Variants in EPG5 observed in about 807,000 individuals in gnomAD.
EPG5 encodes ectopic P granules protein 5 homolog.
In EPG5, 159 loss-of-function variants were observed where a neutral mutation model predicts 302.7. The ratio of observed to expected loss-of-function variants is 0.53; its 90% CI spans 0.46 to 0.60. EPG5 has a LOEUF of 0.60. EPG5 is among the 20% of genes least tolerant of loss of function. The pLI is 0.00. For missense variants in EPG5, 2,896 were observed against 3,092.4 expected (o/e 0.94, Z 1.51); for synonymous variants, 1,158 against 1,136.8 (o/e 1.02, Z -0.37).
At position 45,916,221 on chromosome 18, in the gene EPG5, C is replaced by CT; in HGVS notation, c.3385-16dup. ...GATATGTGTGCCTGTGGAGAAAAGG[C>CT]TCATGTGATGGGAAAGATAACAACC... On this transcript the variant is annotated splice_polypyrimidine_tract_variant and intron_variant, in intron 18 of 43. Transcript: ENST00000282041. The CT allele has an allele frequency of 6.3e-7, 1 of 1,596,710 alleles. No individual in the cohort carries two copies. Among genetic ancestry groups the CT allele is most frequent in the Non-Finnish European group, 8.5e-7 (1 of 1,173,606 alleles).
chr18:45,860,347 C>G lies in EPG5; in HGVS notation c.6767-1G>C. 6.2e-7 allele frequency: 1 copy of G among 1,614,188 alleles called. No individual in the cohort carries two copies. Among genetic ancestry groups the G allele is most frequent in the Non-Finnish European group, 8.5e-7 (1 of 1,180,026 alleles). On this transcript the variant is annotated splice_acceptor_variant, in intron 39 of 43. Coordinates refer to ENST00000282041, the MANE Select transcript of EPG5 (RefSeq NM_020964.3). LOFTEE classifies it high-confidence loss of function. ...ATGTGGCGGGTCTGGCTGTCCATGT[C>G]TGAAAGGAATATAGACACACTCAAG...
At position 45,916,396 on chromosome 18, in the gene EPG5, A is replaced by G. The variant is rs1159614964; in HGVS notation, c.3384+42T>C. 3 of 1,592,744 alleles carry G rather than the reference A, an allele frequency of 1.9e-6. No homozygotes were observed. The East Asian group carries it at 6.8e-5, about 36-fold the overall frequency. On this transcript the variant is annotated intron_variant, in intron 18 of 43. Coordinates refer to ENST00000282041, the MANE Select transcript of EPG5 (RefSeq NM_020964.3). ...GCTAACGCTAGAGGTCTTGGTTGGGAAGACAGGCGGGAGTGTGCTTAGGGG... is the reference window on the plus strand; with the variant it reads ...GCTAACGCTAGAGGTCTTGGTTGGGGAGACAGGCGGGAGTGTGCTTAGGGG...
At chr18:45,909,946 G>A (rs576631970) in intron 23 of EPG5, among the ~76,000 whole-genome samples, 7 of 152,274 alleles carry the variant, frequency 4.6e-5, no homozygotes, top group Admixed American at 4.6e-4. Context: ...ATTCCAGCCT[G>A]GGCAACATAG....
At chr18:45,954,364 G>C in intron 2 of EPG5, 30 bp downstream of exon 2, 5 of 1,550,588 alleles carry the variant, frequency 3.2e-6, no homozygotes, top group Non-Finnish European at 4.4e-6. Context: ...CAGCTCCGCT[G>C]CAAATTCCCC....
At chr18:45,943,649 C>A (rs1239330190) in intron 8 of EPG5, among the ~76,000 whole-genome samples, 1 of 152,102 alleles carries the variant, frequency 6.6e-6, no homozygotes, top group Non-Finnish European at 1.5e-5. Context: ...GGGCCAGGCA[C>A]GGTGGCTCAC....
intron 1 of EPG5, among the ~76,000 whole-genome samples, chr18:45,959,764 G>A (rs933540600): frequency 5.9e-5 from 9 of 152,064 alleles, no homozygotes; most frequent in Non-Finnish European, 1.3e-4. Context: ...TGGATCACCT[G>A]AGGTGAGGAG....
chr18:45,817,313 T>C, the EPG5 span, among the ~76,000 whole-genome samples: 3 of 152,150 alleles, frequency 2.0e-5, no homozygotes, highest in Non-Finnish European at 4.4e-5. Context: ...AATAAAAATG[T>C]CTCTCTTTCC....
In EPG5 at chr18:45,851,551, T is replaced by A. The variant is rs1041875944; in HGVS notation, c.*916A>T. The A allele has an allele frequency of 2.6e-5, 4 of 152,170 alleles. No homozygotes were observed. Among genetic ancestry groups the A allele is most frequent in the African/African-American group, 9.7e-5 (4 of 41,438 alleles). The allele number at this position is 152,170 out of a possible 1,614,324, so 9.4% of individuals were successfully genotyped here. On this transcript the variant is annotated 3_prime_UTR_variant, in exon 44 of 44. Coordinates refer to ENST00000282041, the MANE Select transcript of EPG5 (RefSeq NM_020964.3). The stretch of plus-strand genomic sequence containing the variant: ...AACAAGCAGGGAACAGAGAATCAGG[T>A]CTTCAGTCTCCCTCAGTCTCTGTCT...
chr18:45,823,942 T>A, the EPG5 span, among the ~76,000 whole-genome samples: 1 of 152,158 alleles, frequency 6.6e-6, no homozygotes, highest in Non-Finnish European at 1.5e-5. Flanking sequence ...CACCTGAACC[T>A]TATATCTGGG....
chr18:45,941,094 G>C (rs998609342), intron 9 of EPG5, among the ~76,000 whole-genome samples: 1 of 152,176 alleles, frequency 6.6e-6, no homozygotes, highest in African/African-American at 2.4e-5. Context: ...AGCAAGTGTA[G>C]ATAAAGAGAA....
chr18:45,837,786 T>G, the EPG5 span: 6 of 1,523,674 alleles, frequency 3.9e-6, no homozygotes, highest in South Asian at 7.2e-5. Flanking sequence ...TCGCTGCGCG[T>G]CGAGCGCCTC....
chr18:45,828,893 G>A, the EPG5 span, among the ~76,000 whole-genome samples: 1 of 152,258 alleles, frequency 6.6e-6, no homozygotes, highest in African/African-American at 2.4e-5. Context: ...GCAAAGGTCA[G>A]GACCGGAGGA....
Position 45,858,777 on chromosome 18 carries a change from G to C in EPG5, c.7015C>G (p.Leu2339Val), listed in dbSNP as rs2048570216. Residue 2339 changes from leucine (L) to valine (V), a missense_variant, in exon 41 of 44, where the codon CTC becomes GTC. Physicochemically the swap from Leu to Val is conservative, Grantham distance 32 (BLOSUM62 1). Transcript: ENST00000282041. ...CITAYFKESPLNQNSGWGPIL... is the reference protein window; with the variant it reads ...CITAYFKESPVNQNSGWGPIL... ...GGTCCCCATCCTGAATTCTGATTGA[G>C]AGGGCCTAAGAACATGAAGAAGAGA... 2 of 1,611,526 alleles carry C rather than the reference G, an allele frequency of 1.2e-6. No individual in the cohort carries two copies. Among genetic ancestry groups the C allele is most frequent in the South Asian group, 1.1e-5 (1 of 91,038 alleles).
chr18:45,839,885 T>A, the EPG5 span, among the ~76,000 whole-genome samples: 2 of 152,126 alleles, frequency 1.3e-5, no homozygotes, highest in Non-Finnish European at 2.9e-5. Context: ...CACACTCTAG[T>A]GAGATCAGAC....
chr18:45,858,082 C>A lies in EPG5; in HGVS notation c.7227-14G>T. On this transcript the variant is annotated splice_polypyrimidine_tract_variant and intron_variant, in intron 41 of 43. Coordinates refer to ENST00000282041, the MANE Select transcript of EPG5 (RefSeq NM_020964.3). ...TCCTCCACGGAGCTAGGGGAGGCAC[C>A]GGAGGAAAATAAAATTAGAAGTAAA... 6.3e-7 allele frequency: 1 copy of A among 1,594,110 alleles called. No homozygotes were observed. Among genetic ancestry groups the A allele is most frequent in the Non-Finnish European group, 8.6e-7 (1 of 1,164,508 alleles).
intron 16 of EPG5, among the ~76,000 whole-genome samples, chr18:45,920,861 AG>A (rs1352711593): frequency 6.6e-6 from 1 of 152,206 alleles, no homozygotes; most frequent in East Asian, 1.9e-4. Context: ...CCTTTCCAAA[AG>A]TCAGCTCTTC....
the EPG5 span, among the ~76,000 whole-genome samples, chr18:45,809,677 C>T: frequency 6.6e-6 from 1 of 152,052 alleles, no homozygotes. Context: ...AACTAAACGA[C>T]AATAGTGACA....
At chr18:45,824,411 T>G in the EPG5 span, among the ~76,000 whole-genome samples, 1 of 152,150 alleles carries the variant, frequency 6.6e-6, no homozygotes, top group Non-Finnish European at 1.5e-5. Flanking sequence ...TTTCACCGTG[T>G]TAGCCAAGAT....
At chr18:45,947,185 G>A (rs1379994254) in intron 6 of EPG5, among the ~76,000 whole-genome samples, 2 of 152,102 alleles carry the variant, frequency 1.3e-5, no homozygotes, top group African/African-American at 4.8e-5. Flanking sequence ...GAGGCTGATG[G>A]GGGTGGATCA....
Sources: allele counts gnomAD v4.1 joint callset (sites outside exome capture counted in the v4.1 genomes callset), GRCh38; gene constraint gnomAD v4.1.1; transcripts MANE v1.5; gene names NCBI Gene and HGNC (gene_info 2026-07-23, HGNC 2026-07-21).